SORBS2: variants seen among roughly 807,000 people sequenced by gnomAD.
SORBS2 encodes the protein sorbin and SH3 domain-containing protein 2.
A neutral mutation model predicts 97.7 loss-of-function variants in SORBS2; 46 were observed. That is an observed-to-expected ratio of 0.47 (90% confidence interval 0.37 to 0.60). The LOEUF (loss-of-function observed/expected upper bound fraction) is 0.60. Among genes scored for constraint, SORBS2 ranks in the 20% least tolerant of loss-of-function variants. The pLI, the probability that SORBS2 is intolerant of heterozygous loss-of-function variation, is 0.00. For missense variants in SORBS2, 1,316 were observed against 1,282.3 expected, an observed-to-expected ratio of 1.03 and a Z score of -0.40; for synonymous variants, 476 against 473.4, an observed-to-expected ratio of 1.01 and a Z score of -0.07.
chr4:185,748,813 G>A lies in SORBS2; in HGVS notation c.-198+26414C>T, dbSNP rs371876414. On this transcript the variant is annotated intron_variant, in intron 2 of 20. Transcript: ENST00000284776. ...TAGAGCTGGTTTACATTTTGCCTTC[G>A]GCAAGTGGAGGATTTCCCTAGGCTG... Among the ~76,000 whole-genome samples the A allele has an allele frequency of 1.5e-4, 23 of 152,212 alleles. No individual in the cohort carries two copies. In the East Asian group the frequency reaches 2.5e-3, roughly 17 times the overall value.
At position 185,743,006 on chromosome 4, in the gene SORBS2, G is replaced by A. The variant is rs373356853; in HGVS notation, c.-198+32221C>T. On this transcript the variant is annotated intron_variant, in intron 2 of 20. Coordinates refer to the SORBS2 transcript ENST00000284776. ...GAATGCACCTCCCAGCCCTTTGGACGTGGTGGCGACCAGCTGGTTTCCTGG... is the reference window on the plus strand; with the variant it reads ...GAATGCACCTCCCAGCCCTTTGGACATGGTGGCGACCAGCTGGTTTCCTGG... Among the ~76,000 whole-genome samples the A allele has an allele frequency of 1.1e-4, 17 of 152,278 alleles. No homozygotes were observed. The East Asian group carries it at 1.7e-3, about 16-fold the overall frequency.
chr4:185,667,651 T>TA (rs1208809278), intron 4 of SORBS2, among the ~76,000 whole-genome samples: 29 of 145,576 alleles, frequency 2.0e-4, no homozygotes, highest in African/African-American at 4.0e-4. Flanking sequence ...CTTAATATGA[T>TA]TTTTTTTCTT....
intron 4 of SORBS2, 116 bp downstream of exon 15, chr4:185,637,963 C>T (rs2153443651): frequency 1.4e-6 from 1 of 713,308 alleles, no homozygotes; most frequent in Non-Finnish European, 2.5e-6. Context: ...TGTGTGTATA[C>T]ATTATGCATT....
intron 1 of SORBS2, among the ~76,000 whole-genome samples, chr4:185,906,433 T>A (rs1305506345): frequency 2.0e-5 from 3 of 152,246 alleles, no homozygotes; most frequent in African/African-American, 4.8e-5. Flanking sequence ...CAAAGTTTTT[T>A]AAATAAACCC....
intron 1 of SORBS2, chr4:185,918,559 T>C (rs533781609): frequency 1.3e-5 from 2 of 152,080 alleles, no homozygotes; most frequent in Non-Finnish European, 2.9e-5. Flanking sequence ...TGAAGTAGGG[T>C]TCTTTATTCA....
At chr4:185,944,111 A>T (rs2099273394) in intron 1 of SORBS2, among the ~76,000 whole-genome samples, 1 of 152,194 alleles carries the variant, frequency 6.6e-6, no homozygotes, top group East Asian at 1.9e-4. Flanking sequence ...ATTTTATTAA[A>T]TCTCCTGTAA....
At chr4:185,656,861 G>T in exon 1 of SORBS2, 3 of 1,313,498 alleles carry the variant, frequency 2.3e-6, no homozygotes, top group Non-Finnish European at 1.9e-6. Flanking sequence ...CTCTCAGCAG[G>T]CACGGCTGAA....
chr4:185,890,965 C>T (rs72709740), intron 1 of SORBS2, among the ~76,000 whole-genome samples: 5 of 17,184 alleles, frequency 2.9e-4, no homozygotes, highest in East Asian at 4.8e-3. Flanking sequence ...AATGAATGAA[C>T]GAATGAATGA....
chr4:185,786,179 G>A (rs543097561), intron 1 of SORBS2, among the ~76,000 whole-genome samples: 76 of 152,032 alleles, frequency 5.0e-4, no homozygotes, highest in Admixed American at 1.6e-3. Context: ...TTTTAAACAA[G>A]AATACATGGG....
intron 4 of SORBS2, among the ~76,000 whole-genome samples, chr4:185,671,444 A>G (rs1432534219): frequency 2.0e-5 from 3 of 152,212 alleles, no homozygotes; most frequent in Non-Finnish European, 4.4e-5. Flanking sequence ...AGACTTGGGC[A>G]ACTTGTTTAA....
At chr4:185,891,604 G>A (rs553571992) in intron 1 of SORBS2, among the ~76,000 whole-genome samples, 1 of 152,142 alleles carries the variant, frequency 6.6e-6, no homozygotes, top group Non-Finnish European at 1.5e-5. Flanking sequence ...GGCTCCACTC[G>A]GACCCACCAA....
chr4:185,651,776 C>T lies in SORBS2; in HGVS notation c.91+886G>A. ...AATAGTCATTGCGAGCAAGGAAACC[C>T]ATCCTACCTGCATTGTATGTATAAG... On this transcript the variant is annotated intron_variant, in intron 2 of 14. Transcript: ENST00000418609. 1 of 1,483,110 alleles carries T rather than the reference C, an allele frequency of 6.7e-7. No individual in the cohort carries two copies. Among genetic ancestry groups the T allele is most frequent in the Non-Finnish European group, 9.4e-7 (1 of 1,063,784 alleles). 91.9% of individuals were successfully genotyped at this position (1,483,110 alleles called of 1,614,324 possible).
intron 2 of SORBS2, among the ~76,000 whole-genome samples, chr4:185,763,373 A>T (rs759821394): frequency 6.6e-6 from 1 of 152,136 alleles, no homozygotes; most frequent in Non-Finnish European, 1.5e-5. Context: ...ACCACCTGCT[A>T]TACTGGCCCT....
intron 1 of SORBS2, among the ~76,000 whole-genome samples, chr4:185,901,088 T>TATG (rs1334394334): frequency 6.6e-6 from 1 of 152,250 alleles, no homozygotes; most frequent in Non-Finnish European, 1.5e-5. Context: ...AGTTTTAAAT[T>TATG]ATGATGCCAT....
At chr4:185,654,936 A>G (rs574426633) in intron 1 of SORBS2, among the ~76,000 whole-genome samples, 7 of 152,244 alleles carry the variant, frequency 4.6e-5, no homozygotes, top group Non-Finnish European at 7.3e-5. Flanking sequence ...TATTTTCTAC[A>G]TAGCAGTATA....
intron 4 of SORBS2, among the ~76,000 whole-genome samples, chr4:185,636,731 C>T (rs540418430): frequency 6.6e-6 from 1 of 150,736 alleles, no homozygotes; most frequent in East Asian, 2.0e-4. Context: ...TCACTGCAAT[C>T]TCCGCCTCCC....
exon 3 of SORBS2, chr4:185,678,799 A>G: frequency 6.8e-7 from 1 of 1,467,044 alleles, no homozygotes; most frequent in Non-Finnish European, 9.0e-7. Flanking sequence ...TCTGTACCTG[A>G]GTCTGGTGAC....
intron 13 of SORBS2, chr4:185,593,550 T>C (rs2096008398): frequency 3.8e-6 from 1 of 264,026 alleles, no homozygotes; most frequent in African/African-American, 2.3e-5. Flanking sequence ...GGTTAGAACA[T>C]GTTCTGTATG....
intron 14 of SORBS2, 56 bp downstream of exon 26, chr4:185,589,623 C>T: frequency 1.1e-6 from 1 of 921,838 alleles, no homozygotes. Flanking sequence ...CGGGAGTGAG[C>T]AAACTCAAGC....
Sources: allele counts gnomAD v4.1 joint callset (sites outside exome capture counted in the v4.1 genomes callset), GRCh38; gene constraint gnomAD v4.1.1; transcripts MANE v1.5; gene names NCBI Gene and HGNC (gene_info 2026-07-23, HGNC 2026-07-21).